Variants in HIVEP1 observed in about 807,000 individuals in gnomAD.
The protein encoded by HIVEP1 is zinc finger protein 40.
HIVEP1 carries 36 observed loss-of-function variants against 180.0 expected under a neutral mutation model. That is an observed-to-expected ratio of 0.20 (90% CI 0.15 to 0.26). The LOEUF is 0.26. Ranked by LOEUF, HIVEP1 falls within the 10% of genes least tolerant of loss-of-function variation. The pLI is 1.00. For missense variants in HIVEP1, 3,143 were observed against 3,268.7 expected, an observed-to-expected ratio of 0.96 and a Z score of 0.94; for synonymous variants, 1,239 against 1,239.0, an observed-to-expected ratio of 1.00 and a Z score of 0.00.
chr6:12,103,303 C>T (rs1774220144), intron 3 of HIVEP1, among the ~76,000 whole-genome samples: 1 of 152,118 alleles, frequency 6.6e-6, no homozygotes, highest in Non-Finnish European at 1.5e-5. Flanking sequence ...ATAATTCTCA[C>T]AACCCCATGA....
At chr6:12,048,430 T>C (rs1010363226) in intron 2 of HIVEP1, among the ~76,000 whole-genome samples, 8 of 152,212 alleles carry the variant, frequency 5.3e-5, no homozygotes, top group African/African-American at 1.7e-4. Flanking sequence ...TTTCCAATAC[T>C]CTACCTCTCT....
At position 12,122,024 on chromosome 6, in the gene HIVEP1, A is replaced by T. The variant is rs771359163; in HGVS notation, c.2229A>T (p.Thr743=). 3 of 1,614,128 alleles carry T rather than the reference A, an allele frequency of 1.9e-6. No homozygotes were observed. Among genetic ancestry groups the T allele is most frequent in the Non-Finnish European group, 2.5e-6 (3 of 1,180,018 alleles). The change falls in exon 4 of 9, where the codon ACA becomes ACT. Residue 743 remains threonine (T), a synonymous_variant. Coordinates refer to ENST00000379388, the MANE Select transcript of HIVEP1 (RefSeq NM_002114.4). ...TGCGCCCACCTTTGGCCACAAAAAC[A>T]CTTGAGGAGCGGATATCGAAGCTTA... The part of the protein sequence containing the change: ...GQMRPPLATK[T]LEERISKLIS...
In HIVEP1 at chr6:12,136,736, GT is replaced by G. The variant is rs34874202; in HGVS notation, c.6487+853del. On this transcript the variant is annotated intron_variant, in intron 7 of 8. Coordinates refer to ENST00000379388, the MANE Select transcript of HIVEP1 (RefSeq NM_002114.4). ...ATTATTCCGAAAAGGTTAAATGGCT[GT>G]TTTTTTTTAAAAGGTGTTAACAAAT... Among the ~76,000 whole-genome samples the G allele has an allele frequency of 3.6e-4, 54 of 151,586 alleles. No individual in the cohort carries two copies. In the East Asian group the frequency reaches 4.7e-3, roughly 13 times the overall value.
chr6:12,200,438 T>A, the HIVEP1 span, among the ~76,000 whole-genome samples: 1 of 152,250 alleles, frequency 6.6e-6, no homozygotes, highest in Non-Finnish European at 1.5e-5. Context: ...TCAATAAAGC[T>A]GTTTTCTTCT....
downstream of HIVEP1, among the ~76,000 whole-genome samples, chr6:12,167,687 A>ATATATATACATATATACATATATGTGTAT (rs1760758578): frequency 2.2e-5 from 1 of 45,356 alleles, no homozygotes; most frequent in Non-Finnish European, 5.4e-5. Context: ...TATGTGTATA[A>ATATATATACATATATACATATATGTGTAT]TATATATACA....
intron 3 of HIVEP1, among the ~76,000 whole-genome samples, chr6:12,118,872 C>A (rs115516305): frequency 0.011 from 1,604 of 152,288 alleles, 30 homozygotes; most frequent in African/African-American, 0.036. Context: ...CCCTTTTCTC[C>A]TGAAAATATC....
chr6:12,100,230 G>C (rs1330768121), intron 3 of HIVEP1, among the ~76,000 whole-genome samples: 1 of 152,200 alleles, frequency 6.6e-6, no homozygotes, highest in African/African-American at 2.4e-5. Flanking sequence ...TTTTCTTGCT[G>C]ATGTAGGGTC....
At chr6:12,019,999 G>A (rs928188875) in intron 2 of HIVEP1, among the ~76,000 whole-genome samples, 11 of 152,208 alleles carry the variant, frequency 7.2e-5, no homozygotes, top group African/African-American at 2.7e-4. Context: ...AGCCTGCATA[G>A]ACTGCTTTTA....
chr6:12,181,921 G>A, the HIVEP1 span, among the ~76,000 whole-genome samples: 2 of 152,082 alleles, frequency 1.3e-5, no homozygotes, highest in African/African-American at 4.8e-5. Context: ...AATAAGAGAG[G>A]CTATTTTCTT....
intron 2 of HIVEP1, among the ~76,000 whole-genome samples, chr6:12,076,420 G>T (rs564437281): frequency 2.6e-5 from 4 of 152,288 alleles, no homozygotes; most frequent in African/African-American, 4.8e-5. Flanking sequence ...GTCTGTTTGT[G>T]CTTGCTGTAA....
intron 3 of HIVEP1, among the ~76,000 whole-genome samples, chr6:12,099,413 G>A (rs1248902397): frequency 3.9e-5 from 6 of 152,032 alleles, no homozygotes; most frequent in South Asian, 2.1e-4. Context: ...TGATCCGCCC[G>A]CCTCGGCCTC....
chr6:12,018,835 A>G (rs1012637002), intron 2 of HIVEP1, among the ~76,000 whole-genome samples: 10 of 152,174 alleles, frequency 6.6e-5, no homozygotes, highest in Non-Finnish European at 1.2e-4. Context: ...TTCAGGAGGG[A>G]TGAGAAGGAG....
At chr6:12,191,415 C>A in the HIVEP1 span, among the ~76,000 whole-genome samples, 4 of 152,068 alleles carry the variant, frequency 2.6e-5, no homozygotes, top group African/African-American at 4.8e-5. Flanking sequence ...CACGGGGAGA[C>A]CCCAACTCTA....
chr6:12,013,250 G>T (rs756144482), intron 1 of HIVEP1, among the ~76,000 whole-genome samples: 73 of 152,222 alleles, frequency 4.8e-4, no homozygotes, highest in Admixed American at 5.2e-4. Context: ...GTTCAGTGCA[G>T]CGTTGCAGAG....
At chr6:12,013,822 A>AT (rs59997630) in intron 1 of HIVEP1, among the ~76,000 whole-genome samples, 11 of 151,646 alleles carry the variant, frequency 7.3e-5, no homozygotes, top group East Asian at 3.9e-4. Flanking sequence ...TTAGACCATC[A>AT]TTTTTTTTTG....
At chr6:12,082,264 G>T (rs1403248872) in intron 2 of HIVEP1, among the ~76,000 whole-genome samples, 26 of 151,976 alleles carry the variant, frequency 1.7e-4, no homozygotes, top group Non-Finnish European at 5.9e-5. Flanking sequence ...CAGTATCATG[G>T]CTCTGTAATA....
At chr6:12,030,335 A>G in intron 2 of HIVEP1, among the ~76,000 whole-genome samples, 1 of 151,964 alleles carries the variant, frequency 6.6e-6, no homozygotes, top group Non-Finnish European at 1.5e-5. Context: ...TTTTTGTTTT[A>G]TCAAATTTGG....
intron 2 of HIVEP1, among the ~76,000 whole-genome samples, chr6:12,076,534 C>T (rs770452317): frequency 2.0e-5 from 3 of 152,316 alleles, no homozygotes; most frequent in Admixed American, 6.5e-5. Flanking sequence ...GGTGAGGGCC[C>T]TCTTGCTGTG....
rs751935327 is a variant in HIVEP1, at chr6:12,124,220, T to C, written c.4425T>C (p.Ala1475=). ...QGPQLTSTSL[A]EFSANTLHSQ... is the part of the protein sequence containing the mutation. ...CTCAGCTCACTAGTACATCTTTAGC[T>C]GAGTTTTCTGCAAATACTTTGCACT... The change falls in exon 4 of 9, where the codon GCT becomes GCC. Residue 1475 remains alanine (A), a synonymous_variant. Transcript: ENST00000379388. 8.7e-6 allele frequency: 14 copies of C among 1,614,204 alleles called. No individual in the cohort carries two copies. The South Asian group carries it at 1.5e-4, about 18-fold the overall frequency.
Sources: allele counts gnomAD v4.1 joint callset (sites outside exome capture counted in the v4.1 genomes callset), GRCh38; gene constraint gnomAD v4.1.1; transcripts MANE v1.5; gene names NCBI Gene and HGNC (gene_info 2026-07-23, HGNC 2026-07-21).